The following GRIP1 variants were observed in gnomAD, a reference collection of about 807,000 sequenced individuals.
GRIP1 encodes glutamate receptor-interacting protein 1.
A neutral mutation model predicts 129.9 loss-of-function variants in GRIP1; 45 were observed. The ratio of observed to expected loss-of-function variants is 0.35; its 90% CI spans 0.27 to 0.44. The LOEUF (loss-of-function observed/expected upper bound fraction) is 0.44, where lower values mean the gene tolerates loss of function less well. Ranked by LOEUF, GRIP1 falls within the 20% of genes least tolerant of loss-of-function variation. The probability of loss-of-function intolerance (pLI) is 1.00; values close to 1 mark genes in which losing one functional copy is unlikely to be tolerated. For missense variants in GRIP1, 1,196 were observed against 1,396.8 expected (o/e 0.86, Z 2.29); for synonymous variants, 530 against 520.8 (o/e 1.02, Z -0.24).
intron 19 of GRIP1, among the ~76,000 whole-genome samples, chr12:66,390,016 C>T (rs2056521773): frequency 6.6e-6 from 1 of 152,148 alleles, no homozygotes; most frequent in East Asian, 1.9e-4. Flanking sequence ...GCAGAATGAC[C>T]TTGAGGGTAT....
intron 1 of GRIP1, among the ~76,000 whole-genome samples, chr12:66,931,148 A>C (rs2041388734): frequency 6.6e-6 from 1 of 152,256 alleles, no homozygotes. Flanking sequence ...AAAAGGGAAA[A>C]GCAAAAGGCT....
At chr12:66,472,681 G>A (rs148429631) in intron 7 of GRIP1, among the ~76,000 whole-genome samples, 11 of 152,304 alleles carry the variant, frequency 7.2e-5, no homozygotes, top group African/African-American at 1.2e-4. Context: ...AGGGCAAGCC[G>A]AAGCAGGGTG....
intron 1 of GRIP1, among the ~76,000 whole-genome samples, chr12:66,618,168 G>A (rs1356952029): frequency 1.3e-5 from 2 of 152,186 alleles, no homozygotes; most frequent in African/African-American, 4.8e-5. Flanking sequence ...AAATAGAGTA[G>A]TACAACAACA....
intron 5 of GRIP1, among the ~76,000 whole-genome samples, chr12:66,520,794 T>C (rs2060977821): frequency 6.6e-6 from 1 of 152,218 alleles, no homozygotes; most frequent in Non-Finnish European, 1.5e-5. Flanking sequence ...TGATTCGCTA[T>C]TGACTAACCA....
chr12:66,750,597 T>C (rs186932401), intron 1 of GRIP1, among the ~76,000 whole-genome samples: 323 of 152,318 alleles, frequency 2.1e-3, no homozygotes, highest in Non-Finnish European at 3.2e-3. Context: ...CATTCTCCCC[T>C]ACCTTGTTCC....
intron 1 of GRIP1, among the ~76,000 whole-genome samples, chr12:66,795,049 A>G (rs983943503): frequency 6.6e-6 from 1 of 152,218 alleles, no homozygotes; most frequent in Non-Finnish European, 1.5e-5. Context: ...CACGATTATA[A>G]GCAGGGTGAA....
At chr12:66,937,583 A>G (rs2137431516) in intron 1 of GRIP1, among the ~76,000 whole-genome samples, 1 of 152,314 alleles carries the variant, frequency 6.6e-6, no homozygotes, top group South Asian at 2.1e-4. Flanking sequence ...TTCAAAAAAA[A>G]TTGGAGAAAG....
At chr12:66,660,994 T>G (rs984562317) in intron 1 of GRIP1, among the ~76,000 whole-genome samples, 12 of 152,244 alleles carry the variant, frequency 7.9e-5, no homozygotes, top group African/African-American at 2.9e-4. Flanking sequence ...AGTTATACTC[T>G]GAACACATAT....
chr12:66,380,876 T>C (rs2056076536), intron 19 of GRIP1, among the ~76,000 whole-genome samples: 1 of 152,142 alleles, frequency 6.6e-6, no homozygotes, highest in African/African-American at 2.4e-5. Context: ...GCTTGGAATA[T>C]GGTATGTGTT....
At chr12:66,759,914 G>A (rs2037418493) in intron 1 of GRIP1, among the ~76,000 whole-genome samples, 1 of 151,538 alleles carries the variant, frequency 6.6e-6, no homozygotes, top group South Asian at 2.1e-4. Context: ...CAGTGCAATG[G>A]TGCAATCTCG....
intron 1 of GRIP1, among the ~76,000 whole-genome samples, chr12:66,877,220 C>A (rs2040399130): frequency 6.6e-6 from 1 of 152,094 alleles, no homozygotes; most frequent in African/African-American, 2.4e-5. Context: ...GTGCACACAT[C>A]TGACTATTTC....
chr12:66,544,897 T>G (rs2061900904), intron 2 of GRIP1, among the ~76,000 whole-genome samples: 1 of 152,170 alleles, frequency 6.6e-6, no homozygotes, highest in African/African-American at 2.4e-5. Flanking sequence ...TGAAGACAGA[T>G]GCATTCATTT....
At chr12:66,881,231 G>A (rs1000417419) in intron 1 of GRIP1, among the ~76,000 whole-genome samples, 16 of 152,134 alleles carry the variant, frequency 1.1e-4, no homozygotes, top group Admixed American at 2.0e-4. Context: ...GTATTGGAGG[G>A]TGGCAGTGTA....
intron 22 of GRIP1, chr12:66,372,294 C>A: frequency 2.9e-6 from 1 of 344,284 alleles, no homozygotes; most frequent in Non-Finnish European, 5.6e-6. Context: ...ATGAGGCCAC[C>A]TTGAATATAT....
chr12:66,607,547 T>A (rs962306825), intron 1 of GRIP1, among the ~76,000 whole-genome samples: 1 of 152,044 alleles, frequency 6.6e-6, no homozygotes, highest in Non-Finnish European at 1.5e-5. Context: ...GTAGCCAGAG[T>A]GGGGAATAAA....
chr12:66,350,751 T>C (rs1206332025), intron 24 of GRIP1, among the ~76,000 whole-genome samples: 2 of 152,184 alleles, frequency 1.3e-5, no homozygotes, highest in African/African-American at 4.8e-5. Flanking sequence ...TGTCTTATCT[T>C]ACCTACCCCT....
intron 2 of GRIP1, among the ~76,000 whole-genome samples, chr12:66,576,870 A>C (rs1308055643): frequency 6.6e-6 from 1 of 152,248 alleles, no homozygotes; most frequent in Non-Finnish European, 1.5e-5. Context: ...GATTCATAAG[A>C]ATAAGACCTG....
At chr12:66,821,806 T>A (rs914272805) in intron 1 of GRIP1, among the ~76,000 whole-genome samples, 1 of 152,108 alleles carries the variant, frequency 6.6e-6, no homozygotes, top group African/African-American at 2.4e-5. Context: ...TTCATCAGAA[T>A]AGGGATGGTG....
intron 15 of GRIP1, among the ~76,000 whole-genome samples, chr12:66,413,706 A>C (rs2057482122): frequency 6.6e-6 from 1 of 152,200 alleles, no homozygotes; most frequent in Non-Finnish European, 1.5e-5. Flanking sequence ...TCAATAAAAT[A>C]CTGGCAAACT....
Sources: allele counts gnomAD v4.1 joint callset (sites outside exome capture counted in the v4.1 genomes callset), GRCh38; gene constraint gnomAD v4.1.1; transcripts MANE v1.5; gene names NCBI Gene and HGNC (gene_info 2026-07-23, HGNC 2026-07-21).